KANK1: variants seen among roughly 807,000 people sequenced by gnomAD.
KANK1 encodes the protein KN motif and ankyrin repeat domains 1, also known as KN motif and ankyrin repeat domain-containing protein 1.
A neutral mutation model predicts 106.2 loss-of-function variants in KANK1; 109 were observed. That is an observed-to-expected ratio of 1.03 (90% CI 0.88 to 1.20). KANK1 has a LOEUF of 1.20. Ranked by LOEUF, KANK1 falls within the 50% of genes most tolerant of loss-of-function variation. KANK1 has a pLI of 0.00. For missense variants in KANK1, 2,399 were observed against 1,710.7 expected (o/e 1.40, Z -7.10); for synonymous variants, 873 against 652.2 (o/e 1.34, Z -5.16).
At chr9:557,878 G>A (rs988439774) in intron 1 of KANK1, among the ~76,000 whole-genome samples, 54 of 152,190 alleles carry the variant, frequency 3.5e-4, no homozygotes, top group African/African-American at 1.2e-3. Flanking sequence ...GGTGGCACAC[G>A]CCTGTGGTCT....
intron 1 of KANK1, among the ~76,000 whole-genome samples, chr9:671,022 T>A (rs1201209391): frequency 1.3e-5 from 2 of 150,028 alleles, no homozygotes; most frequent in Non-Finnish European, 3.0e-5. Context: ...CTTTCATGAG[T>A]TCTGAGAGAT....
chr9:626,186 G>A (rs375301826), intron 1 of KANK1, among the ~76,000 whole-genome samples: 12 of 152,072 alleles, frequency 7.9e-5, no homozygotes, highest in East Asian at 7.7e-4. Context: ...TTGTGCGTCC[G>A]GGTGCAGTGG....
chr9:541,208 ATAG>A (rs756495193), intron 1 of KANK1, among the ~76,000 whole-genome samples: 19 of 152,210 alleles, frequency 1.2e-4, no homozygotes, highest in Non-Finnish European at 2.2e-4. Context: ...TCAAAACAGC[ATAG>A]TAGTGGTGTA....
chr9:712,887 C>T lies in KANK1; in HGVS notation c.2121C>T (p.Thr707=). The change falls in exon 3 of 12, where the codon ACC becomes ACT. Residue 707 remains threonine, a synonymous_variant. Coordinates refer to ENST00000382297, the MANE Select transcript of KANK1 (RefSeq NM_015158.5). ...NTCLSTLDKQ[T]STQTVETRTV... is the part of the protein sequence containing the mutation. ...GTCTAAGCACTTTGGACAAGCAGAC[C>T]AGCACCCAGACTGTGGAGACGCGGA... is the stretch of plus-strand genomic sequence containing the variant. 1 of 1,613,888 alleles carries T rather than the reference C, an allele frequency of 6.2e-7. No homozygotes were observed. The highest frequency in any genetic ancestry group is 8.5e-7 in the Non-Finnish European group (1 of 1,180,000).
At chr9:616,717 C>T (rs887006714) in intron 1 of KANK1, among the ~76,000 whole-genome samples, 5 of 150,242 alleles carry the variant, frequency 3.3e-5, no homozygotes, top group African/African-American at 7.5e-5. Context: ...ATATGCTACA[C>T]GTCCATTATT....
At chr9:670,445 A>C (rs1845615073) in intron 1 of KANK1, among the ~76,000 whole-genome samples, 1 of 152,046 alleles carries the variant, frequency 6.6e-6, no homozygotes, top group Non-Finnish European at 1.5e-5. Context: ...TTCAGCACTA[A>C]ATGGTACTTA....
At chr9:667,535 C>G (rs1169820864) in intron 1 of KANK1, among the ~76,000 whole-genome samples, 2 of 151,912 alleles carry the variant, frequency 1.3e-5, no homozygotes, top group Non-Finnish European at 2.9e-5. Context: ...GGTAGTCTTT[C>G]AACTTTTTTG....
intron 1 of KANK1, among the ~76,000 whole-genome samples, chr9:532,364 CTTTTTTT>C (rs1187078952): frequency 3.7e-5 from 3 of 81,858 alleles, no homozygotes; most frequent in South Asian, 4.9e-4. Context: ...GCCTCAAGCA[CTTTTTTT>C]TTTTTTTTTT....
At chr9:629,660 G>C (rs1424884723) in intron 1 of KANK1, among the ~76,000 whole-genome samples, 4 of 152,166 alleles carry the variant, frequency 2.6e-5, no homozygotes, top group African/African-American at 9.7e-5. Context: ...CCTTCTCCCA[G>C]AGGAGATCTC....
At chr9:551,345 C>T (rs1006810589) in intron 1 of KANK1, among the ~76,000 whole-genome samples, 26 of 151,980 alleles carry the variant, frequency 1.7e-4, no homozygotes, top group African/African-American at 5.8e-4. Context: ...TACTAGTTTG[C>T]TTGGTTTTAT....
At position 524,331 on chromosome 9, in the gene KANK1, C is replaced by T. The variant is rs957615312; in HGVS notation, c.-84+19577C>T. 2.3e-4 allele frequency among the ~76,000 whole-genome samples: 35 copies of T among 149,078 alleles called. 1 individual carries two copies. The highest frequency in any genetic ancestry group is 8.7e-4 in the African/African-American group (34 of 39,186). On this transcript the variant is annotated intron_variant, in intron 1 of 11. Coordinates refer to ENST00000382297, the MANE Select transcript of KANK1 (RefSeq NM_015158.5). ...TTTTTTTTTCTTGACAATAACTCTG[C>T]CTTTTATTGTTTGACTTTTCAAGTA...
chr9:538,772 C>T (rs188140743), intron 1 of KANK1, among the ~76,000 whole-genome samples: 253 of 152,308 alleles, frequency 1.7e-3, no homozygotes, highest in Non-Finnish European at 3.0e-3. Context: ...ATGATTGTCC[C>T]TCAGAGGATG....
At chr9:730,311 A>T (rs1409549554) in intron 4 of KANK1, 63 bp downstream of exon 4, 1 of 1,469,858 alleles carries the variant, frequency 6.8e-7, no homozygotes, top group Non-Finnish European at 9.5e-7. Context: ...CCAGCATTCC[A>T]ATTTAATGTC....
chr9:709,039 G>C (rs989093069), intron 2 of KANK1, among the ~76,000 whole-genome samples: 2 of 152,230 alleles, frequency 1.3e-5, no homozygotes, highest in Admixed American at 6.5e-5. Context: ...ACATGATCCA[G>C]TGGTTGGAGT....
intron 3 of KANK1, chr9:489,123 C>T (rs571174815): frequency 5.3e-4 from 81 of 152,210 alleles, no homozygotes; most frequent in African/African-American, 1.9e-3. Context: ...TTTCCAAGGC[C>T]TGGAAAAGTA....
chr9:647,111 G>A lies in KANK1; in HGVS notation c.-83-29779G>A, dbSNP rs187231731. Among the ~76,000 whole-genome samples the A allele has an allele frequency of 2.0e-4, 30 of 151,248 alleles. 1 individual carries two copies. Among genetic ancestry groups the A allele is most frequent in the Admixed American group, 1.1e-3 (17 of 15,288 alleles). ...GTTATCTGGCCTAAGCCATAGGTGG[G>A]GAGTGGGGAGGGAGACATCCAAAGT... On this transcript the variant is annotated intron_variant, in intron 1 of 11. Transcript: ENST00000382297.
chr9:527,290 GTTTT>G (rs1331010999), intron 1 of KANK1, among the ~76,000 whole-genome samples: 2 of 142,704 alleles, frequency 1.4e-5, no homozygotes, highest in Non-Finnish European at 3.0e-5. Flanking sequence ...GTTTTTGTGT[GTTTT>G]TTGTTTGTTT....
At chr9:734,934 T>G in intron 7 of KANK1, 99 bp downstream of exon 7, 1 of 834,642 alleles carries the variant, frequency 1.2e-6, no homozygotes, top group Non-Finnish European at 2.0e-6. Flanking sequence ...GTTGCTTGCA[T>G]GCTTTTCTCC....
At chr9:633,228 G>T (rs967636572) in intron 1 of KANK1, among the ~76,000 whole-genome samples, 1 of 152,012 alleles carries the variant, frequency 6.6e-6, no homozygotes, top group Non-Finnish European at 1.5e-5. Context: ...GAGCCGAGGC[G>T]GGCAGATCAG....
Sources: gnomAD v4.1 joint callset for allele counts (sites outside exome capture counted in the v4.1 genomes callset) on GRCh38, gnomAD v4.1.1 for gene constraint, MANE v1.5 for transcripts, NCBI Gene and HGNC (gene_info 2026-07-23, HGNC 2026-07-21) for gene names.